SPRED2: variants seen among roughly 807,000 people sequenced by gnomAD.
The protein encoded by SPRED2 is sprouty related EVH1 domain containing 2, also known as sprouty-related, EVH1 domain-containing protein 2.
SPRED2 carries 47 observed loss-of-function variants against 43.0 expected under a neutral mutation model. The ratio of observed to expected loss-of-function variants is 1.09; its 90% CI spans 0.87 to 1.40. SPRED2 has a LOEUF of 1.40. Among genes scored for constraint, SPRED2 ranks in the 40% most tolerant of loss-of-function variants. SPRED2 has a pLI of 0.00. For synonymous variants in SPRED2, 225 were observed against 225.7 expected, an observed-to-expected ratio of 1.00 and a Z score of 0.03; for missense variants, 561 against 586.4, an observed-to-expected ratio of 0.96 and a Z score of 0.45.
chr2:65,365,529 C>A (rs2104327351), intron 1 of SPRED2, among the ~76,000 whole-genome samples: 1 of 152,190 alleles, frequency 6.6e-6, no homozygotes, highest in South Asian at 2.1e-4. Context: ...GCTTGGTAAC[C>A]CCAGATCTGT....
intron 2 of SPRED2, among the ~76,000 whole-genome samples, chr2:65,342,840 A>G (rs1674234391): frequency 6.6e-6 from 1 of 152,238 alleles, no homozygotes; most frequent in Admixed American, 6.5e-5. Flanking sequence ...GGCTGGGCAC[A>G]GTGGCATGTG....
chr2:65,320,983 A>G (rs1673391665), intron 4 of SPRED2, among the ~76,000 whole-genome samples: 1 of 152,172 alleles, frequency 6.6e-6, no homozygotes, highest in South Asian at 2.1e-4. Context: ...GACACCTACC[A>G]ACCTACCAAT....
chr2:65,405,543 G>C (rs981933070), intron 1 of SPRED2, among the ~76,000 whole-genome samples: 3 of 152,008 alleles, frequency 2.0e-5, no homozygotes, highest in African/African-American at 7.3e-5. Flanking sequence ...CTGTCCAAAC[G>C]AGCAGGACAA....
chr2:65,412,146 G>GAAAGAAAAAGAA lies in SPRED2; in HGVS notation c.26+19804_26+19815dup, dbSNP rs60221852. Among the ~76,000 whole-genome samples, 134 of 149,892 alleles carry GAAAGAAAAAGAA rather than the reference G, an allele frequency of 8.9e-4. 1 individual carries two copies. The Middle Eastern group carries it at 0.035, about 40-fold the overall frequency. On this transcript the variant is annotated intron_variant, in intron 1 of 5. Transcript: ENST00000356388. ...TCTCAAAAAAAAAAAAGAAAAGAAA[G>GAAAGAAAAAGAA]AAAGAAAAAGAAAAAGAAAATGAAC...
In SPRED2 at chr2:65,316,897, G is replaced by C; in HGVS notation, c.439-14C>G. 1 of 1,612,792 alleles carries C rather than the reference G, an allele frequency of 6.2e-7. No homozygotes were observed. Among genetic ancestry groups the C allele is most frequent in the Non-Finnish European group, 8.5e-7 (1 of 1,179,588 alleles). On this transcript the variant is annotated splice_polypyrimidine_tract_variant and intron_variant, in intron 4 of 5. Coordinates refer to ENST00000356388, the MANE Select transcript of SPRED2 (RefSeq NM_181784.3). ...GTCTGTAGCTGTCTGTGTAGAGGGA[G>C]GTAACCAAGAGTCAATTTAAAAACA...
Position 65,313,353 on chromosome 2 carries a change from G to A in SPRED2, c.*148C>T, listed in dbSNP as rs1473710059. On this transcript the variant is annotated 3_prime_UTR_variant, in exon 6 of 6. Transcript: ENST00000356388. ...AGTCTACCCGGCAGCGTCCCTGGCT[G>A]GAATGGTGCCTCGAGGTACCAGGGA... 2.1e-5 allele frequency: 31 copies of A among 1,488,332 alleles called. No homozygotes were observed. Among genetic ancestry groups the A allele is most frequent in the Non-Finnish European group, 2.5e-5 (28 of 1,128,586 alleles). 92.2% of individuals were successfully genotyped at this position (1,488,332 alleles called of 1,614,324 possible).
At chr2:65,381,921 G>A (rs989402493) in intron 1 of SPRED2, among the ~76,000 whole-genome samples, 1 of 152,242 alleles carries the variant, frequency 6.6e-6, no homozygotes, top group Non-Finnish European at 1.5e-5. Flanking sequence ...CTTGACATTA[G>A]GAGGTTGGTT....
At chr2:65,340,308 TAA>T (rs1674140581) in intron 2 of SPRED2, among the ~76,000 whole-genome samples, 2 of 152,352 alleles carry the variant, frequency 1.3e-5, no homozygotes, top group South Asian at 2.1e-4. Context: ...TCTGTGTGTT[TAA>T]GTCTTTTTCT....
At chr2:65,408,999 G>A (rs558532186) in intron 1 of SPRED2, among the ~76,000 whole-genome samples, 1 of 152,282 alleles carries the variant, frequency 6.6e-6, no homozygotes, top group African/African-American at 2.4e-5. Context: ...AAAAGTCACA[G>A]ATGTCATTTA....
At chr2:65,417,186 A>G (rs1319841551) in intron 1 of SPRED2, among the ~76,000 whole-genome samples, 1 of 152,176 alleles carries the variant, frequency 6.6e-6, no homozygotes, top group Non-Finnish European at 1.5e-5. Context: ...AGTTAACATC[A>G]AAAGCAAACA....
chr2:65,350,118 T>C lies in SPRED2; in HGVS notation c.27-5222A>G, dbSNP rs537691202. ...ACAATGAACTCCACTACCAAAAAGG[T>C]ATAAAGGAGGAAAACTCTCTTCCCA... On this transcript the variant is annotated intron_variant, in intron 1 of 5. Coordinates refer to ENST00000356388, the MANE Select transcript of SPRED2 (RefSeq NM_181784.3). Among the ~76,000 whole-genome samples the C allele has an allele frequency of 5.9e-4, 89 of 151,922 alleles. 1 individual carries two copies. Among genetic ancestry groups the C allele is most frequent in the Non-Finnish European group, 1.1e-3 (78 of 67,976 alleles).
intron 1 of SPRED2, among the ~76,000 whole-genome samples, chr2:65,375,608 G>A (rs2103623542): frequency 6.6e-6 from 1 of 152,282 alleles, no homozygotes; most frequent in East Asian, 1.9e-4. Context: ...GTCAATGTGG[G>A]CTCTACCTAT....
chr2:65,339,058 G>GC (rs1368999254), intron 2 of SPRED2, among the ~76,000 whole-genome samples: 2,010 of 136,418 alleles, frequency 0.015, 42 homozygotes, highest in African/African-American at 0.056. Context: ...GGGGGGCTCA[G>GC]CCCCCCGCCG....
intron 1 of SPRED2, among the ~76,000 whole-genome samples, chr2:65,416,967 A>T (rs962469937): frequency 1.3e-5 from 2 of 152,202 alleles, no homozygotes; most frequent in African/African-American, 4.8e-5. Flanking sequence ...ACCATAAAAA[A>T]TGCTGGTTAT....
Position 65,313,079 on chromosome 2 carries a change from T to C in SPRED2, c.*422A>G, listed in dbSNP as rs1673115032. The C allele has an allele frequency of 5.1e-6, 5 of 988,766 alleles. No homozygotes were observed. In the South Asian group the frequency reaches 1.4e-4, roughly 28 times the overall value. The allele number at this position is 988,766 out of a possible 1,614,324, so 61.2% of individuals were successfully genotyped here. A position where few individuals can be genotyped will look rare whatever the true frequency, so the allele number is the denominator to read the frequency against. ...GCAAGGTGAACCAAGAGAAAGAGAG[T>C]CTTCGACGCTCTTGGAAAAATCAAC... On this transcript the variant is annotated 3_prime_UTR_variant, in exon 6 of 6. Transcript: ENST00000356388.
chr2:65,415,095 A>G lies in SPRED2; in HGVS notation c.26+16867T>C, dbSNP rs141956658. The stretch of plus-strand genomic sequence containing the variant: ...AGCCATCACAACTAGCCTAAACAAA[A>G]TGTTTTAATCATACTAAAATATACA... On this transcript the variant is annotated intron_variant, in intron 1 of 5. Coordinates refer to ENST00000356388, the MANE Select transcript of SPRED2 (RefSeq NM_181784.3). Among the ~76,000 whole-genome samples, 11 of 152,360 alleles carry G rather than the reference A, an allele frequency of 7.2e-5. No homozygotes were observed. In the East Asian group the frequency reaches 2.1e-3, roughly 29 times the overall value.
At chr2:65,334,475 G>T in intron 3 of SPRED2, 130 bp downstream of exon 3, 1 of 1,035,882 alleles carries the variant, frequency 9.7e-7, no homozygotes. Context: ...CAAAAGTTTT[G>T]GCATCTACTG....
At position 65,382,698 on chromosome 2, in the gene SPRED2, C is replaced by A. The variant is rs146889679; in HGVS notation, c.27-37802G>T. On this transcript the variant is annotated intron_variant, in intron 1 of 5. Transcript: ENST00000356388. ...TCTAAAATATTTGTTTCCACAGTAA[C>A]CAAAATAAAATAATCATTAATGAGA... 2.0e-4 allele frequency among the ~76,000 whole-genome samples: 30 copies of A among 152,292 alleles called. 1 individual carries two copies. The highest frequency in any genetic ancestry group is 6.7e-4 in the African/African-American group (28 of 41,562).
chr2:65,313,154 TGGAAGAGGCGGG>T lies in SPRED2; in HGVS notation c.*335_*346del, dbSNP rs1673116485. ...GTTCCAATTGCAGACTCCTTTGAAC[TGGAAGAGGCGGG>T]GGAGGAGGAAACAGGAAATCAACAC... On this transcript the variant is annotated 3_prime_UTR_variant, in exon 6 of 6. Transcript: ENST00000356388. The T allele has an allele frequency of 9.7e-7, 1 of 1,028,684 alleles. No homozygotes were observed. Among genetic ancestry groups the T allele is most frequent in the Non-Finnish European group, 1.2e-6 (1 of 858,798 alleles). The allele number at this position is 1,028,684 out of a possible 1,614,324, so 63.7% of individuals were successfully genotyped here.
Sources: gnomAD v4.1 joint callset for allele counts (sites outside exome capture counted in the v4.1 genomes callset) on GRCh38, gnomAD v4.1.1 for gene constraint, MANE v1.5 for transcripts, NCBI Gene and HGNC (gene_info 2026-07-23, HGNC 2026-07-21) for gene names.